Variants in FSTL5 observed in about 807,000 individuals in gnomAD.
The protein encoded by FSTL5 is follistatin like 5.
Under a neutral mutation model 89.1 loss-of-function variants are expected in FSTL5, and 62 were observed. The ratio of observed to expected loss-of-function variants is 0.70; its 90% CI spans 0.57 to 0.86. The LOEUF is 0.86. Among genes scored for constraint, FSTL5 ranks in the 40% least tolerant of loss-of-function variants. The pLI is 0.00. For synonymous variants in FSTL5, 383 were observed against 346.2 expected (o/e 1.11, Z -1.18); for missense variants, 1,057 against 1,001.6 (o/e 1.06, Z -0.75).
intron 6 of FSTL5, among the ~76,000 whole-genome samples, chr4:161,688,327 C>T (rs1737811955): frequency 6.6e-6 from 1 of 152,206 alleles, no homozygotes. Context: ...AAGTGATCCT[C>T]CTGCCTTGGC....
In FSTL5 at chr4:162,062,682, A is replaced by G; in HGVS notation, c.127-29024T>C. Among the ~76,000 whole-genome samples the G allele has an allele frequency of 2.6e-5, 4 of 151,232 alleles. No individual in the cohort carries two copies. The Middle Eastern group carries it at 0.014, about 521-fold the overall frequency. ...AATATCTTTCTCATATTTCCAGTTG[A>G]AATTAAAGAGTAAGATAAAGTAAAA... is the stretch of plus-strand genomic sequence containing the variant. On this transcript the variant is annotated intron_variant, in intron 2 of 15. Coordinates refer to ENST00000306100, the MANE Select transcript of FSTL5 (RefSeq NM_020116.5).
intron 10 of FSTL5, among the ~76,000 whole-genome samples, chr4:161,515,959 C>T (rs1730808984): frequency 6.6e-6 from 1 of 151,774 alleles, no homozygotes; most frequent in African/African-American, 2.4e-5. Flanking sequence ...TTACCAGCAC[C>T]ACCAGCAATC....
intron 3 of FSTL5, among the ~76,000 whole-genome samples, chr4:162,014,714 T>G (rs2111140157): frequency 6.6e-6 from 1 of 152,254 alleles, no homozygotes; most frequent in African/African-American, 2.4e-5. Flanking sequence ...TTTGACAGGC[T>G]CAGAACATAT....
At chr4:162,080,879 G>A (rs1730065163) in intron 2 of FSTL5, among the ~76,000 whole-genome samples, 1 of 151,610 alleles carries the variant, frequency 6.6e-6, no homozygotes, top group Admixed American at 6.6e-5. Context: ...GGACTAAAAG[G>A]ATTCTAGTGT....
In FSTL5 at chr4:162,106,952, G is replaced by A. The variant is rs151051151; in HGVS notation, c.126+4319C>T. ...AATGCTTCAGAAAAAAGAGAGTTCT[G>A]GAAGATTTTACAATTGTGATCCAAT... On this transcript the variant is annotated intron_variant, in intron 2 of 15. Coordinates refer to ENST00000306100, the MANE Select transcript of FSTL5 (RefSeq NM_020116.5). 3.7e-3 allele frequency among the ~76,000 whole-genome samples: 556 copies of A among 152,238 alleles called. 8 individuals are homozygous for A. The highest frequency in any genetic ancestry group is 0.013 in the African/African-American group (539 of 41,532).
chr4:162,077,915 T>C (rs541573056), intron 2 of FSTL5, among the ~76,000 whole-genome samples: 3 of 151,942 alleles, frequency 2.0e-5, no homozygotes, highest in African/African-American at 7.2e-5. Flanking sequence ...AGATTCACCT[T>C]TAGCTACATA....
At chr4:161,534,869 A>C (rs72685729) in intron 10 of FSTL5, among the ~76,000 whole-genome samples, 11,347 of 152,254 alleles carry the variant, frequency 0.075, 537 homozygotes, top group Middle Eastern at 0.16. Context: ...TGGTATAAAA[A>C]CAGACACATA....
At chr4:161,620,549 G>A (rs762146598) in intron 7 of FSTL5, among the ~76,000 whole-genome samples, 5 of 152,050 alleles carry the variant, frequency 3.3e-5, no homozygotes, top group East Asian at 1.9e-4. Flanking sequence ...CCAGCTACTC[G>A]GGAAGCTGAG....
Position 161,631,667 on chromosome 4 carries a change from T to C in FSTL5, c.894+24661A>G, listed in dbSNP as rs148642643. The stretch of plus-strand genomic sequence containing the variant: ...TGACACATAACACTAATTTGGCACT[T>C]GATGCTATATTATTAGATTTATTTA... On this transcript the variant is annotated intron_variant, in intron 7 of 15. Transcript: ENST00000306100. Among the ~76,000 whole-genome samples the C allele has an allele frequency of 1.2e-4, 18 of 152,314 alleles. No individual in the cohort carries two copies. In the East Asian group the frequency reaches 3.5e-3, roughly 29 times the overall value.
chr4:161,608,252 T>A (rs1734519785), intron 7 of FSTL5, among the ~76,000 whole-genome samples: 1 of 152,088 alleles, frequency 6.6e-6, no homozygotes, highest in Non-Finnish European at 1.5e-5. Context: ...TATCAGCACA[T>A]CTAATTTTGC....
At chr4:161,508,596 T>C (rs1730557276) in intron 11 of FSTL5, among the ~76,000 whole-genome samples, 1 of 152,188 alleles carries the variant, frequency 6.6e-6, no homozygotes, top group Non-Finnish European at 1.5e-5. Flanking sequence ...TGGATTTATA[T>C]AATGAATTTC....
intron 15 of FSTL5, among the ~76,000 whole-genome samples, chr4:161,430,951 G>C (rs1352589111): frequency 6.6e-6 from 1 of 151,894 alleles, no homozygotes; most frequent in East Asian, 1.9e-4. Context: ...TCCTAGAATA[G>C]TATATGTAGC....
At chr4:161,498,043 A>T (rs1392493626) in intron 12 of FSTL5, among the ~76,000 whole-genome samples, 1 of 151,678 alleles carries the variant, frequency 6.6e-6, no homozygotes, top group Non-Finnish European at 1.5e-5. Context: ...GATACATCAC[A>T]TTGCTTTGTC....
At chr4:161,807,870 G>A (rs1431187193) in intron 4 of FSTL5, among the ~76,000 whole-genome samples, 1 of 152,122 alleles carries the variant, frequency 6.6e-6, no homozygotes, top group Non-Finnish European at 1.5e-5. Flanking sequence ...GAAAAATAGT[G>A]TTTGAAGTCC....
intron 2 of FSTL5, among the ~76,000 whole-genome samples, chr4:162,083,940 T>C (rs1730202790): frequency 6.6e-6 from 1 of 151,924 alleles, no homozygotes; most frequent in African/African-American, 2.4e-5. Flanking sequence ...AACAAGTTAA[T>C]TAATAATTTT....
At chr4:161,926,034 C>T (rs936014722) in intron 3 of FSTL5, among the ~76,000 whole-genome samples, 2 of 151,816 alleles carry the variant, frequency 1.3e-5, no homozygotes, top group Non-Finnish European at 2.9e-5. Context: ...GAAACTATTA[C>T]ATAAAAAATA....
chr4:161,463,569 C>G (rs1311839105), intron 13 of FSTL5, among the ~76,000 whole-genome samples: 4 of 152,280 alleles, frequency 2.6e-5, no homozygotes, highest in Admixed American at 2.6e-4. Flanking sequence ...ATACCATCAA[C>G]TTTGGCAAGG....
At chr4:161,443,046 A>G (rs1732830930) in intron 15 of FSTL5, among the ~76,000 whole-genome samples, 1 of 151,986 alleles carries the variant, frequency 6.6e-6, no homozygotes, top group Non-Finnish European at 1.5e-5. Context: ...TGTTAGCTTC[A>G]AAGCCAGGCT....
intron 4 of FSTL5, among the ~76,000 whole-genome samples, chr4:161,830,390 GTTTA>G (rs1213928198): frequency 5.9e-5 from 9 of 151,946 alleles, no homozygotes; most frequent in East Asian, 1.9e-4. Context: ...TTTAATGAGT[GTTTA>G]TTTTTCTTTT....
Sources: gnomAD v4.1 joint callset for allele counts (sites outside exome capture counted in the v4.1 genomes callset) on GRCh38, gnomAD v4.1.1 for gene constraint, MANE v1.5 for transcripts, NCBI Gene and HGNC (gene_info 2026-07-23, HGNC 2026-07-21) for gene names.